PTPRZ1: variants seen among roughly 807,000 people sequenced by gnomAD.
The protein encoded by PTPRZ1 is protein tyrosine phosphatase receptor type Z1, also known as receptor-type tyrosine-protein phosphatase zeta.
Under a neutral mutation model 214.1 loss-of-function variants are expected in PTPRZ1, and 82 were observed. The ratio of observed to expected loss-of-function variants is 0.38; its 90% CI spans 0.32 to 0.46. PTPRZ1 has a LOEUF of 0.46. PTPRZ1 is among the 20% of genes least tolerant of loss of function. PTPRZ1 has a pLI of 1.00. For synonymous variants in PTPRZ1, 945 were observed against 987.9 expected, an observed-to-expected ratio of 0.96 and a Z score of 0.81; for missense variants, 2,603 against 2,748.7, an observed-to-expected ratio of 0.95 and a Z score of 1.19.
chr7:121,877,970 G>T (rs1309238939), intron 1 of PTPRZ1, among the ~76,000 whole-genome samples: 2 of 150,280 alleles, frequency 1.3e-5, no homozygotes, highest in African/African-American at 4.9e-5. Flanking sequence ...ATATGTGTTT[G>T]TGTATATATA....
At chr7:121,873,609 G>T (rs1395116833) in intron 1 of PTPRZ1, 52 bp downstream of exon 1, 1 of 1,598,200 alleles carries the variant, frequency 6.3e-7, no homozygotes, top group Admixed American at 1.7e-5. Flanking sequence ...GTGGGATGAG[G>T]GTGGGAGCAT....
At chr7:122,017,779 C>T (rs953687467) in intron 12 of PTPRZ1, among the ~76,000 whole-genome samples, 1 of 151,672 alleles carries the variant, frequency 6.6e-6, no homozygotes, top group Non-Finnish European at 1.5e-5. Flanking sequence ...ACCATGTTGG[C>T]CAGGCTGGTC....
At chr7:121,899,085 T>G (rs1232133730) in intron 1 of PTPRZ1, among the ~76,000 whole-genome samples, 1 of 152,210 alleles carries the variant, frequency 6.6e-6, no homozygotes, top group Non-Finnish European at 1.5e-5. Flanking sequence ...CAGCTGGTCT[T>G]ATTATTCAAG....
At chr7:122,008,700 G>A (rs1000131853) in intron 11 of PTPRZ1, among the ~76,000 whole-genome samples, 6 of 152,034 alleles carry the variant, frequency 3.9e-5, no homozygotes, top group African/African-American at 1.4e-4. Flanking sequence ...TAGAGAGAAG[G>A]AGTGTGGAGT....
chr7:121,932,641 A>T (rs565735056), intron 2 of PTPRZ1, among the ~76,000 whole-genome samples: 5 of 152,288 alleles, frequency 3.3e-5, no homozygotes, highest in Admixed American at 1.3e-4. Flanking sequence ...AAAAATTACT[A>T]AGTACATTAT....
In PTPRZ1 at chr7:122,028,588, C is replaced by A. The variant is rs1034325868; in HGVS notation, c.5025C>A (p.Asp1675Glu). Residue 1675 changes from aspartate (D) to glutamate (E), a missense_variant, in exon 14 of 30, where the codon GAC (aspartate) becomes GAA (glutamate). This residue lies in a region of PTPRZ1 where 1,913 missense variants were observed against 1,914.3 expected (regional missense o/e 1.00). Coordinates refer to ENST00000393386, the MANE Select transcript of PTPRZ1 (RefSeq NM_002851.3). ...AGACTGCACACTTTTACTTAGAGGA[C>A]AGTACATCCCCTAGAGTTATATCCA... ...CFQTAHFYLE[D>E]STSPRVISTP... is the part of the protein sequence containing the mutation. The A allele has an allele frequency of 1.7e-5, 26 of 1,548,836 alleles. No homozygotes were observed. Among genetic ancestry groups the A allele is most frequent in the Non-Finnish European group, 2.3e-5 (26 of 1,121,034 alleles).
chr7:122,007,419 G>A (rs994824393), intron 11 of PTPRZ1, among the ~76,000 whole-genome samples: 4 of 152,076 alleles, frequency 2.6e-5, no homozygotes, highest in African/African-American at 9.7e-5. Context: ...TGGTAAATTG[G>A]TAGTAGTTCT....
rs899075687 is a variant in PTPRZ1 at position 121,899,994 on chromosome 7, T to A, written c.58+26437T>A. 7.2e-5 allele frequency among the ~76,000 whole-genome samples: 11 copies of A among 152,196 alleles called. No homozygotes were observed. In the East Asian group the frequency reaches 7.7e-4, roughly 11 times the overall value. ...CAGATCAGTTTTCTGAAGAAAATTC[T>A]GGCCCAGTCAATAGATACTCTCATG... On this transcript the variant is annotated intron_variant, in intron 1 of 29. Coordinates refer to ENST00000393386, the MANE Select transcript of PTPRZ1 (RefSeq NM_002851.3).
chr7:121,937,265 A>T (rs938524651), intron 2 of PTPRZ1, among the ~76,000 whole-genome samples: 1 of 152,138 alleles, frequency 6.6e-6, no homozygotes, highest in East Asian at 1.9e-4. Context: ...TAACCTCAGG[A>T]CAGTGGGCCT....
intron 27 of PTPRZ1, among the ~76,000 whole-genome samples, chr7:122,056,583 C>T (rs376921271): frequency 6.6e-6 from 1 of 151,284 alleles, no homozygotes; most frequent in African/African-American, 2.4e-5. Flanking sequence ...AAGCTAGGGG[C>T]CTTTTATTTA....
At chr7:121,939,986 G>A (rs1283491417) in intron 2 of PTPRZ1, among the ~76,000 whole-genome samples, 1 of 152,132 alleles carries the variant, frequency 6.6e-6, no homozygotes, top group African/African-American at 2.4e-5. Flanking sequence ...CCAGGCAAAG[G>A]GAGCAGCTAT....
intron 8 of PTPRZ1, among the ~76,000 whole-genome samples, chr7:121,993,562 G>C (rs564305604): frequency 8.3e-6 from 1 of 121,068 alleles, no homozygotes; most frequent in African/African-American, 3.3e-5. Flanking sequence ...ATGACAGAGC[G>C]AGACTGTCTC....
Position 121,873,395 on chromosome 7 carries a change from A to G in PTPRZ1, c.-105A>G, listed in dbSNP as rs1432298798. 2 of 1,095,990 alleles carry G rather than the reference A, an allele frequency of 1.8e-6. No individual in the cohort carries two copies. The highest frequency in any genetic ancestry group is 2.8e-5 in the South Asian group (2 of 70,894). The allele number at this position is 1,095,990 out of a possible 1,614,324, so 67.9% of individuals were successfully genotyped here. On this transcript the variant is annotated 5_prime_UTR_variant, in exon 1 of 30. Transcript: ENST00000393386. ...GATCTCACTTCGATCTATACACTGG[A>G]GGATTAAAACAAACAAACAAAAAAA... is the stretch of plus-strand genomic sequence containing the variant.
At chr7:121,874,811 C>T (rs539548632) in intron 1 of PTPRZ1, among the ~76,000 whole-genome samples, 2 of 152,262 alleles carry the variant, frequency 1.3e-5, no homozygotes, top group East Asian at 3.9e-4. Flanking sequence ...TCCATTGATT[C>T]TAAAACCTTA....
In PTPRZ1 at chr7:122,034,103, A is replaced by G. The variant is rs1421649407; in HGVS notation, c.5175A>G (p.Lys1725=). 3 of 1,597,142 alleles carry G rather than the reference A, an allele frequency of 1.9e-6. No homozygotes were observed. In the South Asian group the frequency reaches 3.3e-5, roughly 18 times the overall value. The change falls in exon 16 of 30, where the codon AAA becomes AAG. Residue 1725 remains lysine (K), a synonymous_variant. Transcript: ENST00000393386. The part of the protein sequence containing the change: ...SGFTEEFETL[K]EFYQEVQSCT... ...ATTCATTCCCTCATTAGACACTGAA[A>G]GAGTTTTACCAGGTAAGGCATTATT...
intron 24 of PTPRZ1, 33 bp from the exon 25 acceptor site, chr7:122,051,833 G>A (rs751436326): frequency 1.3e-6 from 2 of 1,588,046 alleles, no homozygotes; most frequent in Non-Finnish European, 1.7e-6. Flanking sequence ...GTTTTGTTTT[G>A]TTTTGTTTTA....
chr7:122,039,535 C>A lies in PTPRZ1; in HGVS notation c.5584C>A (p.Leu1862Ile), dbSNP rs772331995. The change falls in exon 20 of 30, where the codon CTT becomes ATT. Residue 1862 changes from leucine to isoleucine, a missense_variant. Leu to Ile is a conservative substitution (Grantham distance 5). Around this residue, in one of 6 missense-constraint regions of PTPRZ1, gnomAD observed 1,913 missense variants for 1,914.3 expected, o/e 1.00. Coordinates refer to ENST00000393386, the MANE Select transcript of PTPRZ1 (RefSeq NM_002851.3). ...GGTCACTCAGAAGAGTGTGCAAGTG[C>A]TTGCCTATTATACTGTGAGGAATTT... ...FLVTQKSVQV[L>I]AYYTVRNFTL... is the part of the protein sequence containing the mutation. 46 of 1,613,784 alleles carry A rather than the reference C, an allele frequency of 2.9e-5. No homozygotes were observed. The highest frequency in any genetic ancestry group is 3.6e-5 in the Non-Finnish European group (43 of 1,179,926).
intron 13 of PTPRZ1, 144 bp downstream of exon 13, chr7:122,019,412 C>A: frequency 1.2e-6 from 1 of 803,092 alleles, no homozygotes; most frequent in Non-Finnish European, 2.0e-6. Context: ...TTTGTGAATC[C>A]AAAGGCACAA....
chr7:121,930,450 T>G (rs1275197509), intron 2 of PTPRZ1, among the ~76,000 whole-genome samples: 1 of 152,158 alleles, frequency 6.6e-6, no homozygotes, highest in Non-Finnish European at 1.5e-5. Context: ...GGAATTTCTT[T>G]TTTCAGAAAA....
Sources: gnomAD v4.1 joint callset for allele counts (sites outside exome capture counted in the v4.1 genomes callset) on GRCh38, gnomAD v4.1.1 for gene constraint, gnomAD v4.1.1 regional missense constraint, MANE v1.5 for transcripts, NCBI Gene and HGNC (gene_info 2026-07-23, HGNC 2026-07-21) for gene names.